XIRP2: variants seen among roughly 807,000 people sequenced by gnomAD.
XIRP2 encodes xin actin binding repeat containing 2, also known as xin actin-binding repeat-containing protein 2.
In XIRP2, 236 loss-of-function variants were observed where a neutral mutation model predicts 277.0. The observed-to-expected ratio is 0.85, with a 90% confidence interval of 0.77 to 0.95. The LOEUF (loss-of-function observed/expected upper bound fraction) is 0.95. Ranked by LOEUF, XIRP2 falls within the 40% of genes least tolerant of loss-of-function variation. The probability of loss-of-function intolerance (pLI) is 0.00; values close to 1 mark genes in which losing one functional copy is unlikely to be tolerated. For missense variants in XIRP2, 4,640 were observed against 4,157.5 expected (o/e 1.12, Z -3.19); for synonymous variants, 1,490 against 1,416.5 (o/e 1.05, Z -1.17).
At chr2:167,154,030 G>A (rs1692106931) in intron 3 of XIRP2, among the ~76,000 whole-genome samples, 1 of 149,648 alleles carries the variant, frequency 6.7e-6, no homozygotes, top group South Asian at 2.2e-4. Context: ...CACCAACAGT[G>A]TAAAAGTGTT....
chr2:166,891,293 T>A (rs1009279276), intron 1 of XIRP2, among the ~76,000 whole-genome samples: 5 of 152,144 alleles, frequency 3.3e-5, no homozygotes, highest in Non-Finnish European at 5.9e-5. Context: ...AATGTGAATG[T>A]GGAGATAAAA....
intron 5 of XIRP2, among the ~76,000 whole-genome samples, chr2:167,221,991 G>C (rs186249800): frequency 6.6e-6 from 1 of 152,270 alleles, no homozygotes; most frequent in East Asian, 1.9e-4. Context: ...ACTGAAGTCA[G>C]ATGTTTCAGG....
At chr2:166,922,509 A>AT (rs564437553) in intron 2 of XIRP2, among the ~76,000 whole-genome samples, 3,771 of 150,550 alleles carry the variant, frequency 0.025, 52 homozygotes, top group Non-Finnish European at 0.034. Context: ...AAGTTAAAAG[A>AT]TTTTTTTTTT....
intron 2 of XIRP2, among the ~76,000 whole-genome samples, chr2:167,017,698 G>A (rs1040636551): frequency 1.3e-5 from 2 of 151,774 alleles, no homozygotes; most frequent in African/African-American, 4.8e-5. Flanking sequence ...GTCTTATTGG[G>A]GATAAAAAGC....
In XIRP2 at chr2:167,254,185, T is replaced by C. The variant is rs199654237; in HGVS notation, c.*39+20T>C. The C allele has an allele frequency of 4.9e-4, 783 of 1,603,154 alleles. No individual in the cohort carries two copies. Among genetic ancestry groups the C allele is most frequent in the Non-Finnish European group, 6.2e-4 (732 of 1,174,688 alleles). ...ACTAAGGTAAAATGTTTAATTGTCTTTGCCACAAATATTCCAGGAGCTGCA... is the reference window on the plus strand; with the variant it reads ...ACTAAGGTAAAATGTTTAATTGTCTCTGCCACAAATATTCCAGGAGCTGCA... On this transcript the variant is annotated intron_variant, in intron 10 of 10. Transcript: ENST00000409195.
chr2:166,898,660 C>T (rs1048632209), intron 1 of XIRP2, among the ~76,000 whole-genome samples: 7 of 152,018 alleles, frequency 4.6e-5, no homozygotes, highest in Non-Finnish European at 7.4e-5. Context: ...ACTAATAGTA[C>T]TGTGCCACTT....
At chr2:167,083,916 A>G (rs970450649) in intron 2 of XIRP2, among the ~76,000 whole-genome samples, 4 of 151,410 alleles carry the variant, frequency 2.6e-5, no homozygotes, top group Admixed American at 6.6e-5. Context: ...TCTTTTCCTA[A>G]TTGAATACCC....
At chr2:167,105,510 T>A (rs1187033902) in intron 2 of XIRP2, among the ~76,000 whole-genome samples, 2 of 151,976 alleles carry the variant, frequency 1.3e-5, no homozygotes, top group Non-Finnish European at 2.9e-5. Context: ...TGCTGTATAG[T>A]ATTCCATGAT....
chr2:167,162,006 T>C (rs73019975), intron 3 of XIRP2, among the ~76,000 whole-genome samples: 15,035 of 152,200 alleles, frequency 0.099, 798 homozygotes, highest in South Asian at 0.15. Flanking sequence ...TCTCTAGGGC[T>C]GGGCAAAATG....
Position 167,249,211 on chromosome 2 carries a change from G to A in XIRP2, c.7819G>A (p.Val2607Met), listed in dbSNP as rs769864972. ...SLSGIDSECT[V>M]VQPSPGSQSN... is the part of the protein sequence containing the mutation. ...ATCTGGAATTGATTCAGAATGCACT[G>A]TGGTTCAACCCAGCCCAGGCTCTCA... The change falls in exon 9 of 11, where the codon GTG (valine) becomes ATG (methionine). Residue 2607 changes from valine (V) to methionine (M), a missense_variant. Val to Met is a conservative substitution (Grantham distance 21, BLOSUM62 1). Coordinates refer to ENST00000409195, the MANE Select transcript of XIRP2 (RefSeq NM_152381.6). 5 of 1,613,582 alleles carry A rather than the reference G, an allele frequency of 3.1e-6. No homozygotes were observed. Among genetic ancestry groups the A allele is most frequent in the African/African-American group, 1.3e-5 (1 of 74,878 alleles).
intron 5 of XIRP2, among the ~76,000 whole-genome samples, chr2:167,225,564 T>C (rs1427921385): frequency 6.6e-6 from 1 of 152,150 alleles, no homozygotes; most frequent in Non-Finnish European, 1.5e-5. Context: ...TGCTTTTTTT[T>C]CGACACAGGT....
Position 167,058,021 on chromosome 2 carries a change from ATTATTTTATTTTATTTTATTTTATT to A in XIRP2, c.409-77855_409-77831del, listed in dbSNP as rs370711918. Among the ~76,000 whole-genome samples the A allele has an allele frequency of 3.4e-4, 47 of 136,842 alleles. No homozygotes were observed. The East Asian group carries it at 9.5e-3, about 28-fold the overall frequency. The allele number at this position is 136,842 out of a possible 152,430, so 89.8% of individuals were successfully genotyped here. On this transcript the variant is annotated intron_variant, in intron 2 of 10. Coordinates refer to ENST00000409195, the MANE Select transcript of XIRP2 (RefSeq NM_152381.6). Reference sequence around the variant, plus strand: ...TATGCATGTTTTATTTTATTTTATAATTATTTTATTTTATTTTATTTTATTTTATTTTATTTTATTTTATTTTATT... The same window carrying A: ...TATGCATGTTTTATTTTATTTTATAATTATTTTATTTTATTTTATTTTATT...
At chr2:167,203,342 C>T (rs756668589) in intron 3 of XIRP2, among the ~76,000 whole-genome samples, 3 of 152,270 alleles carry the variant, frequency 2.0e-5, no homozygotes, top group African/African-American at 7.2e-5. Flanking sequence ...AAAGCAGGAA[C>T]GAATCCTTTT....
intron 2 of XIRP2, among the ~76,000 whole-genome samples, chr2:167,036,730 T>G (rs1205675916): frequency 1.3e-5 from 2 of 152,150 alleles, no homozygotes; most frequent in African/African-American, 2.4e-5. Flanking sequence ...AGGGATGGAA[T>G]GATATGGTTT....
rs372396336 is a variant in XIRP2 at position 167,258,515 on chromosome 2, G to A, written c.*698G>A. On this transcript the variant is annotated 3_prime_UTR_variant, in exon 11 of 11. Transcript: ENST00000409195. ...AAAGAGTAACAGGAAAAGTGCTATG[G>A]ATCTTAATGACAACAATAATGTGAT... 1 of 1,613,132 alleles carries A rather than the reference G, an allele frequency of 6.2e-7. No homozygotes were observed. Among genetic ancestry groups the A allele is most frequent in the Non-Finnish European group, 8.5e-7 (1 of 1,179,606 alleles).
chr2:167,153,858 G>C (rs13030199), intron 3 of XIRP2, among the ~76,000 whole-genome samples: 1 of 150,586 alleles, frequency 6.6e-6, no homozygotes, highest in Non-Finnish European at 1.5e-5. Context: ...GAATAGTGCC[G>C]CAATAAACAT....
At chr2:166,934,761 C>G (rs966057519) in intron 2 of XIRP2, among the ~76,000 whole-genome samples, 5 of 152,016 alleles carry the variant, frequency 3.3e-5, no homozygotes, top group Non-Finnish European at 7.4e-5. Context: ...ACCTGTAAAC[C>G]CAACTCCTTG....
intron 2 of XIRP2, among the ~76,000 whole-genome samples, chr2:166,980,084 G>A (rs1166989968): frequency 6.6e-6 from 1 of 152,000 alleles, no homozygotes; most frequent in African/African-American, 2.4e-5. Flanking sequence ...GGCAATTTGT[G>A]TCTTTCAAGA....
At chr2:167,046,195 T>C (rs1169749750) in intron 2 of XIRP2, among the ~76,000 whole-genome samples, 1 of 152,056 alleles carries the variant, frequency 6.6e-6, no homozygotes, top group Admixed American at 6.6e-5. Context: ...CTACTAATTT[T>C]TGTACATTGA....
Sources: allele counts gnomAD v4.1 joint callset (sites outside exome capture counted in the v4.1 genomes callset), GRCh38; gene constraint gnomAD v4.1.1; transcripts MANE v1.5; gene names NCBI Gene and HGNC (gene_info 2026-07-23, HGNC 2026-07-21).